Variants in CDKAL1 observed in about 807,000 individuals in gnomAD.
The protein encoded by CDKAL1 is CDKAL1 threonylcarbamoyladenosine tRNA methylthiotransferase.
CDKAL1 carries 32 observed loss-of-function variants against 68.2 expected under a neutral mutation model. The ratio of observed to expected loss-of-function variants is 0.47; its 90% CI spans 0.35 to 0.63. The LOEUF (loss-of-function observed/expected upper bound fraction) is 0.63. CDKAL1 is among the 30% of genes least tolerant of loss of function. The probability of loss-of-function intolerance (pLI) is 0.00; values close to 1 mark genes in which losing one functional copy is unlikely to be tolerated. For synonymous variants in CDKAL1, 234 were observed against 244.3 expected, an observed-to-expected ratio of 0.96 and a Z score of 0.39; for missense variants, 606 against 696.7, an observed-to-expected ratio of 0.87 and a Z score of 1.47.
intron 4 of CDKAL1, among the ~76,000 whole-genome samples, chr6:20,616,881 A>T (rs1400140796): frequency 6.7e-6 from 1 of 149,678 alleles, no homozygotes; most frequent in Non-Finnish European, 1.5e-5. Flanking sequence ...ACACACACAC[A>T]CTACAAAAAT....
intron 9 of CDKAL1, among the ~76,000 whole-genome samples, chr6:20,922,790 T>A (rs2150654214): frequency 6.6e-6 from 1 of 152,344 alleles, no homozygotes; most frequent in South Asian, 2.1e-4. Flanking sequence ...GCAAAAAGTT[T>A]GTTTTAATGA....
At chr6:20,609,677 T>C (rs1329901532) in intron 4 of CDKAL1, among the ~76,000 whole-genome samples, 2 of 152,080 alleles carry the variant, frequency 1.3e-5, no homozygotes, top group African/African-American at 4.8e-5. Flanking sequence ...TTATTATTCA[T>C]CTTAATGTTC....
intron 4 of CDKAL1, among the ~76,000 whole-genome samples, chr6:20,602,625 T>TTGG (rs1368269309): frequency 8.5e-5 from 13 of 152,338 alleles, no homozygotes; most frequent in Admixed American, 2.0e-4. Context: ...ACAGGTTACC[T>TTGG]GATTTACCTT....
chr6:20,835,865 A>G (rs1355138536), intron 8 of CDKAL1, among the ~76,000 whole-genome samples: 1 of 151,986 alleles, frequency 6.6e-6, no homozygotes, highest in Non-Finnish European at 1.5e-5. Flanking sequence ...CCCCTTTTCA[A>G]CTTCAGTTTT....
chr6:21,229,602 T>G (rs961738978), intron 15 of CDKAL1, among the ~76,000 whole-genome samples: 1 of 152,186 alleles, frequency 6.6e-6, no homozygotes, highest in African/African-American at 2.4e-5. Context: ...CAAAGATACT[T>G]TGTGCTTCTG....
intron 9 of CDKAL1, among the ~76,000 whole-genome samples, chr6:20,888,371 A>G (rs1408074110): frequency 8.0e-6 from 1 of 124,458 alleles, no homozygotes; most frequent in African/African-American, 3.1e-5. Context: ...TTTTTTTTTT[A>G]ATTTTATTAT....
chr6:21,196,012 G>C (rs1778456229), intron 13 of CDKAL1, among the ~76,000 whole-genome samples: 1 of 152,094 alleles, frequency 6.6e-6, no homozygotes, highest in Non-Finnish European at 1.5e-5. Flanking sequence ...TAAAAGCCCA[G>C]CTTTCTACTA....
chr6:20,808,984 T>A lies in CDKAL1; in HGVS notation c.638+27719T>A, dbSNP rs188447850. On this transcript the variant is annotated intron_variant, in intron 8 of 15. Coordinates refer to ENST00000274695, the MANE Select transcript of CDKAL1 (RefSeq NM_017774.3). ...TACATCAAACTTTAATTTTTAGCTA[T>A]AACACTTGAAGTAAATCTTTTTTGA... Among the ~76,000 whole-genome samples, 349 of 152,284 alleles carry A rather than the reference T, an allele frequency of 2.3e-3. 2 individuals are homozygous for A. Among genetic ancestry groups the A allele is most frequent in the Admixed American group, 6.0e-3 (92 of 15,304 alleles).
chr6:20,995,754 TAC>T (rs1003489195), intron 10 of CDKAL1, among the ~76,000 whole-genome samples: 9 of 152,172 alleles, frequency 5.9e-5, no homozygotes, highest in Non-Finnish European at 8.8e-5. Flanking sequence ...GGTTTCAACT[TAC>T]AGTCACCAGT....
intron 15 of CDKAL1, among the ~76,000 whole-genome samples, chr6:21,209,486 A>G (rs1385388662): frequency 6.6e-6 from 1 of 152,216 alleles, no homozygotes. Context: ...AATAATGAAT[A>G]TGGGCTTGGT....
chr6:21,225,835 TTC>T (rs1285847307), intron 15 of CDKAL1, among the ~76,000 whole-genome samples: 10 of 152,218 alleles, frequency 6.6e-5, no homozygotes, highest in Non-Finnish European at 1.0e-4. Flanking sequence ...CAAAAAGAAT[TTC>T]TGAGGACGTT....
At chr6:20,667,707 G>C (rs1769618816) in intron 5 of CDKAL1, among the ~76,000 whole-genome samples, 1 of 152,068 alleles carries the variant, frequency 6.6e-6, no homozygotes, top group South Asian at 2.1e-4. Context: ...GTGGCTGCCT[G>C]GGTTTTGGGG....
intron 7 of CDKAL1, among the ~76,000 whole-genome samples, chr6:20,767,385 T>C (rs1443057571): frequency 2.6e-5 from 4 of 152,132 alleles, no homozygotes; most frequent in Non-Finnish European, 4.4e-5. Context: ...AAATTAAAAA[T>C]ATAAAATAGA....
intron 12 of CDKAL1, among the ~76,000 whole-genome samples, chr6:21,075,256 T>G (rs1261974032): frequency 3.1e-5 from 4 of 130,744 alleles, no homozygotes. Flanking sequence ...CCCCTGTAGA[T>G]GACATAAGGA....
At chr6:21,143,423 C>A (rs1776020028) in intron 13 of CDKAL1, among the ~76,000 whole-genome samples, 1 of 152,076 alleles carries the variant, frequency 6.6e-6, no homozygotes, top group Admixed American at 6.6e-5. Flanking sequence ...AGCATTTCAT[C>A]ACAAAAGTTC....
At chr6:20,665,927 C>T (rs868251292) in intron 5 of CDKAL1, among the ~76,000 whole-genome samples, 14 of 149,414 alleles carry the variant, frequency 9.4e-5, no homozygotes, top group Middle Eastern at 3.2e-3. Flanking sequence ...CCTCTGACTT[C>T]GGCCTGCTTA....
intron 5 of CDKAL1, among the ~76,000 whole-genome samples, chr6:20,707,085 G>A (rs1328850253): frequency 1.3e-5 from 2 of 152,152 alleles, no homozygotes; most frequent in African/African-American, 2.4e-5. Flanking sequence ...AAACAATTTT[G>A]TCTTAATTTT....
intron 9 of CDKAL1, among the ~76,000 whole-genome samples, chr6:20,928,543 C>G (rs1002570478): frequency 6.6e-6 from 1 of 152,160 alleles, no homozygotes; most frequent in African/African-American, 2.4e-5. Flanking sequence ...TTAAGCTGAT[C>G]TGATCTAAGA....
chr6:21,097,004 T>G (rs1773348819), intron 12 of CDKAL1, among the ~76,000 whole-genome samples: 1 of 152,238 alleles, frequency 6.6e-6, no homozygotes, highest in Non-Finnish European at 1.5e-5. Flanking sequence ...ATATCAAGAA[T>G]GTATCTAGAA....
Sources: allele counts gnomAD v4.1 joint callset (sites outside exome capture counted in the v4.1 genomes callset), GRCh38; gene constraint gnomAD v4.1.1; transcripts MANE v1.5; gene names NCBI Gene and HGNC (gene_info 2026-07-23, HGNC 2026-07-21).